Variants in POU2F3 observed in about 807,000 individuals in gnomAD.
The protein encoded by POU2F3 is POU class 2 homeobox 3.
Under a neutral mutation model 59.2 loss-of-function variants are expected in POU2F3, and 23 were observed. The observed-to-expected ratio is 0.39, with a 90% CI of 0.28 to 0.55. POU2F3 has a LOEUF of 0.55. Among genes scored for constraint, POU2F3 ranks in the 20% least tolerant of loss-of-function variants. The probability of loss-of-function intolerance (pLI) is 0.66; values close to 1 mark genes in which losing one functional copy is unlikely to be tolerated. For missense variants in POU2F3, 473 were observed against 544.5 expected (o/e 0.87, Z 1.31); for synonymous variants, 190 against 214.6 (o/e 0.89, Z 1.00).
chr11:120,275,879 C>T (rs1438284945), intron 3 of POU2F3, among the ~76,000 whole-genome samples: 3 of 152,206 alleles, frequency 2.0e-5, no homozygotes, highest in Admixed American at 6.5e-5. Flanking sequence ...CTGGGATTTT[C>T]CATCATTGTT....
chr11:120,305,825 C>T (rs1231099223), intron 8 of POU2F3, 40 bp downstream of exon 8: 1 of 1,608,282 alleles, frequency 6.2e-7, no homozygotes, highest in East Asian at 2.2e-5. Context: ...CCCTAGAGGG[C>T]TCTGCAGGGA....
intron 1 of POU2F3, 31 bp downstream of exon 1, chr11:120,240,402 GT>G: frequency 1.4e-6 from 2 of 1,383,876 alleles, no homozygotes; most frequent in South Asian, 4.0e-5. Context: ...GCTCTGACAG[GT>G]GTCACTGCGC....
intron 4 of POU2F3, 80 bp from the exon 5 acceptor site, chr11:120,299,544 G>A: frequency 7.7e-7 from 1 of 1,300,882 alleles, no homozygotes; most frequent in Non-Finnish European, 1.1e-6. Context: ...AGACCCCTGG[G>A]ACGGACGAGT....
intron 3 of POU2F3, among the ~76,000 whole-genome samples, chr11:120,288,852 C>CGCACATGT (rs1940922398): frequency 2.0e-5 from 3 of 151,906 alleles, no homozygotes; most frequent in African/African-American, 2.4e-5. Flanking sequence ...GTAATACATA[C>CGCACATGT]ATGTGCATAT....
chr11:120,298,419 G>C lies in POU2F3; in HGVS notation c.258+29G>C, dbSNP rs557887040. ...ACACTGTGATTTTCACAGTGGGCCAGTGTGTTTAACCCAATCCCTCTGTGA... is the reference window on the plus strand; with the variant it reads ...ACACTGTGATTTTCACAGTGGGCCACTGTGTTTAACCCAATCCCTCTGTGA... On this transcript the variant is annotated intron_variant, in intron 4 of 12. Coordinates refer to ENST00000543440, the MANE Select transcript of POU2F3 (RefSeq NM_014352.4). The C allele has an allele frequency of 6.2e-6, 10 of 1,612,810 alleles. 1 individual carries two copies. In the African/African-American group the frequency reaches 9.3e-5, roughly 15 times the overall value.
chr11:120,313,933 G>A (rs1030193982), intron 10 of POU2F3, among the ~76,000 whole-genome samples: 1 of 152,182 alleles, frequency 6.6e-6, no homozygotes, highest in Admixed American at 6.6e-5. Flanking sequence ...AGAATCGCTT[G>A]AACCCAGGAG....
In POU2F3 at chr11:120,240,376, G is replaced by A; in HGVS notation, c.28+5G>A. 7.0e-7 allele frequency: 1 copy of A among 1,428,018 alleles called. No homozygotes were observed. Among genetic ancestry groups the A allele is most frequent in the Middle Eastern group, 1.9e-4 (1 of 5,348 alleles). The allele number at this position is 1,428,018 out of a possible 1,614,324, so 88.5% of individuals were successfully genotyped here. A position where few individuals can be genotyped will look rare whatever the true frequency, so the allele number is the denominator to read the frequency against. On this transcript the variant is annotated splice_donor_5th_base_variant and intron_variant, in intron 1 of 12. Transcript: ENST00000543440. Reference sequence around the variant, plus strand: ...ATCTGGAGTCCATGCACACAGGTGAGGGGCGGAGGGAATGAGCTCTGACAG... The same window carrying A: ...ATCTGGAGTCCATGCACACAGGTGAAGGGCGGAGGGAATGAGCTCTGACAG...
At chr11:120,238,622 G>A (rs56291080), upstream of POU2F3, among the ~76,000 whole-genome samples, 1,247 of 152,086 alleles carry the variant, frequency 8.2e-3, 1 homozygote, top group Non-Finnish European at 0.014. Flanking sequence ...GGATCACGAG[G>A]TCAGGAGATC....
intron 3 of POU2F3, among the ~76,000 whole-genome samples, chr11:120,277,092 A>G (rs184322795): frequency 6.6e-6 from 1 of 151,440 alleles, no homozygotes; most frequent in East Asian, 1.9e-4. Flanking sequence ...ACAAAAAAAT[A>G]TTAAAAATAC....
At chr11:120,262,200 T>A (rs891745239) in intron 2 of POU2F3, among the ~76,000 whole-genome samples, 1 of 152,224 alleles carries the variant, frequency 6.6e-6, no homozygotes, top group Non-Finnish European at 1.5e-5. Context: ...TTGAAAAATT[T>A]CAGACATACA....
At chr11:120,297,126 C>T (rs1175713487) in intron 3 of POU2F3, among the ~76,000 whole-genome samples, 1 of 152,150 alleles carries the variant, frequency 6.6e-6, no homozygotes, top group Non-Finnish European at 1.5e-5. Context: ...GAGGGTCTCC[C>T]CAATATCTCT....
intron 3 of POU2F3, among the ~76,000 whole-genome samples, chr11:120,282,517 A>G (rs1940611386): frequency 6.6e-6 from 1 of 152,156 alleles, no homozygotes; most frequent in South Asian, 2.1e-4. Flanking sequence ...CTAGCCAGGC[A>G]TGGTGGCGGG....
intron 1 of POU2F3, among the ~76,000 whole-genome samples, chr11:120,241,606 T>G (rs1346303162): frequency 6.6e-6 from 1 of 152,208 alleles, no homozygotes; most frequent in Non-Finnish European, 1.5e-5. Flanking sequence ...GTTTCTAGAC[T>G]GGGCATACCT....
chr11:120,258,546 C>A (rs1939453065), intron 2 of POU2F3, among the ~76,000 whole-genome samples: 1 of 152,154 alleles, frequency 6.6e-6, no homozygotes, highest in Non-Finnish European at 1.5e-5. Flanking sequence ...CAAAAAAGCT[C>A]TGATAGAAAA....
At chr11:120,236,693 C>CT (rs1938507867), upstream of POU2F3, 2 of 1,505,300 alleles carry the variant, frequency 1.3e-6, no homozygotes, top group Non-Finnish European at 1.8e-6. Flanking sequence ...CCAAGAACTG[C>CT]TAAAGGAGGA....
At chr11:120,274,104 G>A (rs866252671) in intron 3 of POU2F3, among the ~76,000 whole-genome samples, 18 of 74,702 alleles carry the variant, frequency 2.4e-4, no homozygotes, top group East Asian at 6.8e-4. Context: ...AGGAAGGAAG[G>A]AAGAAAGGAA....
chr11:120,247,758 C>A (rs538609332), intron 2 of POU2F3, among the ~76,000 whole-genome samples: 2 of 152,254 alleles, frequency 1.3e-5, no homozygotes, highest in Admixed American at 1.3e-4. Context: ...TAGATATAGT[C>A]CCCACACTGA....
intron 3 of POU2F3, among the ~76,000 whole-genome samples, chr11:120,291,544 C>A (rs1015861596): frequency 2.0e-5 from 3 of 152,224 alleles, no homozygotes; most frequent in Non-Finnish European, 4.4e-5. Flanking sequence ...GCAACCTACA[C>A]CAAACAACTT....
At chr11:120,309,736 G>A in intron 10 of POU2F3, 150 bp downstream of exon 10, 1 of 947,914 alleles carries the variant, frequency 1.1e-6, no homozygotes, top group South Asian at 2.0e-5. Flanking sequence ...AAGGGCGAGG[G>A]AATAGAAGGG....
Sources: allele counts gnomAD v4.1 joint callset (sites outside exome capture counted in the v4.1 genomes callset), GRCh38; gene constraint gnomAD v4.1.1; transcripts MANE v1.5; gene names NCBI Gene and HGNC (gene_info 2026-07-23, HGNC 2026-07-21).